BACH2: variants seen among roughly 807,000 people sequenced by gnomAD.
BACH2 encodes transcription regulator protein BACH2.
BACH2 carries 5 observed loss-of-function variants against 61.8 expected under a neutral mutation model. That is an observed-to-expected ratio of 0.08 (90% CI 0.04 to 0.17). The LOEUF (loss-of-function observed/expected upper bound fraction) is 0.17, where lower values mean the gene tolerates loss of function less well. Among genes scored for constraint, BACH2 ranks in the 10% least tolerant of loss-of-function variants. The pLI is 1.00. For missense variants in BACH2, 824 were observed against 1,091.1 expected (o/e 0.76, Z 3.45); for synonymous variants, 446 against 440.1 (o/e 1.01, Z -0.17).
chr6:90,107,884 T>C (rs1782994744), intron 4 of BACH2, among the ~76,000 whole-genome samples: 1 of 152,210 alleles, frequency 6.6e-6, no homozygotes, highest in African/African-American at 2.4e-5. Context: ...CAGTGGGCAG[T>C]CAGGGTGAAA....
intron 6 of BACH2, among the ~76,000 whole-genome samples, chr6:89,992,818 T>C (rs1437337142): frequency 6.6e-6 from 1 of 152,266 alleles, no homozygotes; most frequent in African/African-American, 2.4e-5. Context: ...CTACTATTTT[T>C]TCATAGGTTG....
intron 4 of BACH2, among the ~76,000 whole-genome samples, chr6:90,162,936 G>A (rs1767450762): frequency 6.6e-6 from 1 of 152,146 alleles, no homozygotes; most frequent in South Asian, 2.1e-4. Flanking sequence ...CTTGTAGTTG[G>A]TTTTTTAAAG....
At position 90,066,681 on chromosome 6, in the gene BACH2, A is replaced by C. The variant is rs138160700; in HGVS notation, c.-13+22280T>G. 1.4e-4 allele frequency among the ~76,000 whole-genome samples: 21 copies of C among 152,330 alleles called. No homozygotes were observed. The East Asian group carries it at 4.1e-3, about 29-fold the overall frequency. ...CTTCATGCCACCTTTACTGAGTACA[A>C]GGTATTATTAAGTCATGTGTTCTGA... On this transcript the variant is annotated intron_variant, in intron 5 of 8. Coordinates refer to ENST00000257749, the MANE Select transcript of BACH2 (RefSeq NM_021813.4).
intron 5 of BACH2, among the ~76,000 whole-genome samples, chr6:90,054,485 T>G (rs1178381754): frequency 1.3e-5 from 2 of 152,214 alleles, no homozygotes; most frequent in African/African-American, 4.8e-5. Flanking sequence ...AAGCTCGAAC[T>G]GGGTGGAGCC....
intron 4 of BACH2, among the ~76,000 whole-genome samples, chr6:90,109,472 C>T (rs948671462): frequency 1.3e-5 from 2 of 152,130 alleles, no homozygotes; most frequent in African/African-American, 4.8e-5. Context: ...TCTCTTTCCT[C>T]TAACTATACT....
At chr6:89,984,631 C>T (rs1241522747) in intron 6 of BACH2, among the ~76,000 whole-genome samples, 1 of 152,154 alleles carries the variant, frequency 6.6e-6, no homozygotes, top group African/African-American at 2.4e-5. Flanking sequence ...GTGCTCCTGA[C>T]AAGATGCCAC....
chr6:90,084,618 A>ATACC (rs1336058651), intron 5 of BACH2, among the ~76,000 whole-genome samples: 2 of 151,730 alleles, frequency 1.3e-5, no homozygotes, highest in African/African-American at 4.8e-5. Flanking sequence ...CTGTTTTCCA[A>ATACC]TACCTAAGTG....
chr6:90,071,249 C>A (rs1368716970), intron 5 of BACH2, among the ~76,000 whole-genome samples: 1 of 152,204 alleles, frequency 6.6e-6, no homozygotes, highest in African/African-American at 2.4e-5. Context: ...GGGCATGAGA[C>A]CTCTTTTGTC....
At chr6:90,197,395 G>T (rs1484491828) in intron 4 of BACH2, among the ~76,000 whole-genome samples, 1 of 152,142 alleles carries the variant, frequency 6.6e-6, no homozygotes, top group East Asian at 1.9e-4. Flanking sequence ...ATATTCTAGA[G>T]ATGGACAAAC....
chr6:90,117,753 T>G (rs941815387), intron 4 of BACH2, among the ~76,000 whole-genome samples: 7 of 152,320 alleles, frequency 4.6e-5, no homozygotes, highest in Admixed American at 2.0e-4. Flanking sequence ...AGCTTTTCCT[T>G]TTTCTTTAAT....
chr6:90,111,862 C>T (rs1414823372), intron 4 of BACH2, among the ~76,000 whole-genome samples: 1 of 152,178 alleles, frequency 6.6e-6, no homozygotes, highest in Non-Finnish European at 1.5e-5. Context: ...CCATCTAAGA[C>T]AATACTTGGA....
chr6:90,259,151 C>A (rs773030792), intron 2 of BACH2, among the ~76,000 whole-genome samples: 5 of 152,118 alleles, frequency 3.3e-5, no homozygotes, highest in Non-Finnish European at 5.9e-5. Context: ...TGATACTAGA[C>A]CTTCATGGAA....
rs1172708341 is a variant in BACH2 at position 90,164,241 on chromosome 6, G to A, written c.-162+42328C>T. Reference sequence around the variant, plus strand: ...AAATGATAAAGGGGATATCACCACTGATCCCACAGAAATACAAACTACCAT... The same window carrying A: ...AAATGATAAAGGGGATATCACCACTAATCCCACAGAAATACAAACTACCAT... On this transcript the variant is annotated intron_variant, in intron 4 of 8. Coordinates refer to ENST00000257749, the MANE Select transcript of BACH2 (RefSeq NM_021813.4). 3.3e-5 allele frequency among the ~76,000 whole-genome samples: 5 copies of A among 152,274 alleles called. No individual in the cohort carries two copies. The East Asian group carries it at 7.7e-4, about 23-fold the overall frequency.
In BACH2 at chr6:89,978,907, C is replaced by T. The variant is rs180743009; in HGVS notation, c.244-27045G>A. On this transcript the variant is annotated intron_variant, in intron 6 of 8. Transcript: ENST00000257749. ...TGGCAGGCAAGTCCTCATGAAAGCT[C>T]GTGGGAGCAACTACCCTTTGTTCTC... 7.8e-4 allele frequency among the ~76,000 whole-genome samples: 119 copies of T among 152,218 alleles called. No homozygotes were observed. The Middle Eastern group carries it at 0.017, about 22-fold the overall frequency.
chr6:90,241,636 A>G (rs1770455477), intron 3 of BACH2, among the ~76,000 whole-genome samples: 1 of 152,228 alleles, frequency 6.6e-6, no homozygotes, highest in South Asian at 2.1e-4. Flanking sequence ...ATGCTAGGGT[A>G]GGTGGAAAAG....
intron 5 of BACH2, among the ~76,000 whole-genome samples, chr6:90,024,997 C>T (rs1778560507): frequency 6.6e-6 from 1 of 152,162 alleles, no homozygotes; most frequent in Non-Finnish European, 1.5e-5. Context: ...CCTCTTGTCT[C>T]CACCCAGCGA....
At chr6:90,208,624 C>T (rs924221269) in intron 3 of BACH2, among the ~76,000 whole-genome samples, 2 of 152,172 alleles carry the variant, frequency 1.3e-5, no homozygotes, top group African/African-American at 4.8e-5. Context: ...ATTAGTTCAA[C>T]CATTGTGGAA....
At position 90,255,837 on chromosome 6, in the gene BACH2, A is replaced by T. The variant is rs150719630; in HGVS notation, c.-352-3247T>A. The stretch of plus-strand genomic sequence containing the variant: ...ATACTATCTCCGACTGAAGGGTCCA[A>T]CGTGAAGCAGGAACGAAGGGGCCAG... On this transcript the variant is annotated intron_variant, in intron 2 of 8. Transcript: ENST00000257749. Among the ~76,000 whole-genome samples the T allele has an allele frequency of 6.6e-5, 10 of 152,294 alleles. No homozygotes were observed. The South Asian group carries it at 2.1e-3, about 32-fold the overall frequency.
chr6:90,171,151 C>T (rs553526803), intron 4 of BACH2, among the ~76,000 whole-genome samples: 1 of 152,076 alleles, frequency 6.6e-6, no homozygotes, highest in Non-Finnish European at 1.5e-5. Flanking sequence ...TGGCTCACGC[C>T]TGTAATCCCA....
Sources: gnomAD v4.1 joint callset for allele counts (sites outside exome capture counted in the v4.1 genomes callset) on GRCh38, gnomAD v4.1.1 for gene constraint, MANE v1.5 for transcripts, NCBI Gene and HGNC (gene_info 2026-07-23, HGNC 2026-07-21) for gene names.